Variants in SOS1 observed in about 807,000 individuals in gnomAD.
SOS1 encodes the protein SOS Ras/Rac guanine nucleotide exchange factor 1.
Under a neutral mutation model 157.6 loss-of-function variants are expected in SOS1, and 25 were observed. The observed-to-expected ratio is 0.16, with a 90% CI of 0.12 to 0.22. The LOEUF is 0.22. Among genes scored for constraint, SOS1 ranks in the 10% least tolerant of loss-of-function variants. SOS1 has a pLI of 1.00. For missense variants in SOS1, 1,237 were observed against 1,599.1 expected (o/e 0.77, Z 3.86); for synonymous variants, 528 against 534.0 (o/e 0.99, Z 0.16).
intron 8 of SOS1, among the ~76,000 whole-genome samples, chr2:39,025,441 C>A (rs1165696175): frequency 6.6e-6 from 1 of 152,006 alleles, no homozygotes; most frequent in African/African-American, 2.4e-5. Flanking sequence ...CCTCTGCCTC[C>A]CAGCTTCAAG....
At chr2:39,116,008 G>A (rs985315694) in intron 1 of SOS1, among the ~76,000 whole-genome samples, 28 of 151,508 alleles carry the variant, frequency 1.8e-4, no homozygotes, top group Admixed American at 6.6e-5. Context: ...ACCTGCTGAC[G>A]AACATTGGAT....
chr2:39,047,428 GA>G lies in SOS1; in HGVS notation c.864+3715del, dbSNP rs1474509679. Reference sequence around the variant, plus strand: ...GTACATTGTATACTTAGCTCTAGTAGATACACCAAACGGTTTTCCAAAGTGG... The same window carrying G: ...GTACATTGTATACTTAGCTCTAGTAGTACACCAAACGGTTTTCCAAAGTGG... On this transcript the variant is annotated intron_variant, in intron 6 of 22. Transcript: ENST00000402219. 3.9e-5 allele frequency among the ~76,000 whole-genome samples: 6 copies of G among 152,192 alleles called. No individual in the cohort carries two copies. The East Asian group carries it at 7.7e-4, about 20-fold the overall frequency.
At chr2:39,091,579 T>C (rs1207984015) in intron 1 of SOS1, among the ~76,000 whole-genome samples, 1 of 146,322 alleles carries the variant, frequency 6.8e-6, no homozygotes, top group Non-Finnish European at 1.5e-5. Flanking sequence ...TATTGGCATA[T>C]AAAAGAACTC....
Position 38,987,541 on chromosome 2 carries a change from G to A in SOS1, c.3442C>T (p.Pro1148Ser), listed in dbSNP as rs138966939. ...CGTGGAGGAACAGGAGGAGGGACAG[G>A]CACTTCATCAGTGCCTTTGGTTAAA... Reference protein sequence around the residue: ...ISLTKGTDEVPVPPPVPPRRR... With the variant: ...ISLTKGTDEVSVPPPVPPRRR... Residue 1148 changes from proline to serine, a missense_variant, in exon 22 of 23, where the codon CCT becomes TCT. Physicochemically the swap from Pro to Ser is moderately conservative, Grantham distance 74. Coordinates refer to ENST00000402219, the MANE Select transcript of SOS1 (RefSeq NM_005633.4). 1.2e-6 allele frequency: 2 copies of A among 1,605,376 alleles called. No individual in the cohort carries two copies. Among genetic ancestry groups the A allele is most frequent in the South Asian group, 1.1e-5 (1 of 90,194 alleles).
chr2:39,083,734 C>G (rs1672284368), intron 1 of SOS1, among the ~76,000 whole-genome samples: 1 of 151,984 alleles, frequency 6.6e-6, no homozygotes, highest in Admixed American at 6.6e-5. Flanking sequence ...GGGAATTTAT[C>G]CTGTAAAAAT....
intron 10 of SOS1, among the ~76,000 whole-genome samples, chr2:39,016,299 C>T (rs747978073): frequency 3.9e-5 from 6 of 152,026 alleles, no homozygotes; most frequent in Non-Finnish European, 8.8e-5. Flanking sequence ...TCTCCGTTAG[C>T]TTTATACCTT....
chr2:39,041,574 T>C (rs1670573038), intron 6 of SOS1, among the ~76,000 whole-genome samples: 1 of 152,256 alleles, frequency 6.6e-6, no homozygotes, highest in African/African-American at 2.4e-5. Context: ...GCTTGTGCTT[T>C]TGGCATTATC....
chr2:39,120,429 C>G lies in SOS1; in HGVS notation c.-7G>C. The G allele has an allele frequency of 1.3e-6, 2 of 1,581,094 alleles. No homozygotes were observed. Among genetic ancestry groups the G allele is most frequent in the South Asian group, 1.1e-5 (1 of 87,988 alleles). On this transcript the variant is annotated 5_prime_UTR_variant, in exon 1 of 23. Coordinates refer to ENST00000402219, the MANE Select transcript of SOS1 (RefSeq NM_005633.4). ...GCAGCTGCTGCGCCTGCATGGTGCC[C>G]CCGGGGCGCCTCTGGGCGGGGAGAG...
intron 5 of SOS1, 82 bp downstream of exon 5, chr2:39,054,531 TG>T: frequency 1.3e-6 from 1 of 790,322 alleles, no homozygotes; most frequent in East Asian, 2.5e-5. Context: ...TTAGTAATGA[TG>T]AACTGTACAA....
chr2:39,083,388 A>G (rs1488497410), intron 1 of SOS1, among the ~76,000 whole-genome samples: 2 of 152,190 alleles, frequency 1.3e-5, no homozygotes, highest in Non-Finnish European at 2.9e-5. Flanking sequence ...AGTCAGGAGA[A>G]GTAATATACA....
At chr2:39,122,710 T>C (rs925984535), upstream of SOS1, among the ~76,000 whole-genome samples, 7 of 152,114 alleles carry the variant, frequency 4.6e-5, no homozygotes, top group Non-Finnish European at 1.5e-5. Flanking sequence ...CACACCCAGG[T>C]AATTTTTGTA....
intron 1 of SOS1, among the ~76,000 whole-genome samples, chr2:39,097,895 T>A (rs1672827620): frequency 6.6e-6 from 1 of 152,176 alleles, no homozygotes; most frequent in African/African-American, 2.4e-5. Flanking sequence ...ATTAAAACAG[T>A]TTAAGTGCTG....
chr2:39,059,666 A>G lies in SOS1; in HGVS notation c.214-862T>C, dbSNP rs573691860. ...ATCATAATTATAAATCTGAATAAAA[A>G]GTTTTATTATTTGCTAGTAAAATGG... On this transcript the variant is annotated intron_variant, in intron 2 of 22. Transcript: ENST00000402219. Among the ~76,000 whole-genome samples, 18 of 152,294 alleles carry G rather than the reference A, an allele frequency of 1.2e-4. 1 individual carries two copies. In the South Asian group the frequency reaches 3.7e-3, roughly 32 times the overall value.
chr2:39,007,414 A>G, intron 15 of SOS1: 1 of 529,844 alleles, frequency 1.9e-6, no homozygotes, highest in South Asian at 2.3e-5. Context: ...TCAAACAATC[A>G]TTTTCCTACT....
intron 2 of SOS1, among the ~76,000 whole-genome samples, 191 bp downstream of exon 2, chr2:39,067,437 C>T (rs1187982396): frequency 6.6e-6 from 1 of 151,952 alleles, no homozygotes; most frequent in Non-Finnish European, 1.5e-5. Flanking sequence ...AAAAAAAAAC[C>T]TCAAAATCTA....
Position 39,120,635 on chromosome 2 carries a change from G to A in SOS1, c.-213C>T, listed in dbSNP as rs1673843196. 3 of 312,972 alleles carry A rather than the reference G, an allele frequency of 9.6e-6. No homozygotes were observed. The highest frequency in any genetic ancestry group is 1.2e-4 in the South Asian group (1 of 8,100). 19.4% of individuals were successfully genotyped at this position (312,972 alleles called of 1,614,324 possible). A position where few individuals can be genotyped will look rare whatever the true frequency, so the allele number is the denominator to read the frequency against. On this transcript the variant is annotated 5_prime_UTR_variant, in exon 1 of 23. Transcript: ENST00000402219. ...CCACCCGACACAGGTACCAGCCGTG[G>A]AGAACGGACGCGGCCCGGAGGCGGC... is the stretch of plus-strand genomic sequence containing the variant.
rs1467409205 is a variant in SOS1 at position 39,007,837 on chromosome 2, A to ACACG, written c.2511-648_2511-645dup. On this transcript the variant is annotated intron_variant, in intron 15 of 22. Coordinates refer to ENST00000402219, the MANE Select transcript of SOS1 (RefSeq NM_005633.4). Reference sequence around the variant, plus strand: ...CACATACACACAAACACACACATGCACACGCACACACACACATTTAAAGTC... The same window carrying ACACG: ...CACATACACACAAACACACACATGCACACGCACGCACACACACACATTTAAAGTC... Among the ~76,000 whole-genome samples the ACACG allele has an allele frequency of 7.9e-5, 12 of 152,302 alleles. No individual in the cohort carries two copies. In the East Asian group the frequency reaches 2.3e-3, roughly 29 times the overall value.
At chr2:39,076,841 G>A (rs142985305) in intron 1 of SOS1, among the ~76,000 whole-genome samples, 87 of 152,134 alleles carry the variant, frequency 5.7e-4, no homozygotes, top group African/African-American at 1.9e-3. Flanking sequence ...TTATTTGCAG[G>A]TAATATAATT....
intron 17 of SOS1, among the ~76,000 whole-genome samples, chr2:39,000,286 C>T (rs1181234058): frequency 6.6e-6 from 1 of 152,188 alleles, no homozygotes; most frequent in African/African-American, 2.4e-5. Context: ...TTTGATCTTA[C>T]ACTGCATCAG....
Sources: gnomAD v4.1 joint callset for allele counts (sites outside exome capture counted in the v4.1 genomes callset) on GRCh38, gnomAD v4.1.1 for gene constraint, MANE v1.5 for transcripts, NCBI Gene and HGNC (gene_info 2026-07-23, HGNC 2026-07-21) for gene names.